The following TMEFF2 variants were observed in gnomAD, a reference collection of about 807,000 sequenced individuals.
TMEFF2 encodes tomoregulin-2.
In TMEFF2, 28 loss-of-function variants were observed where a neutral mutation model predicts 53.8. That is an observed-to-expected ratio of 0.52 (90% CI 0.39 to 0.71). The LOEUF is 0.71. TMEFF2 is among the 30% of genes least tolerant of loss of function. The pLI, the probability that TMEFF2 is intolerant of heterozygous loss-of-function variation, is 0.00. For missense variants in TMEFF2, 353 were observed against 455.2 expected, an observed-to-expected ratio of 0.78 and a Z score of 2.04; for synonymous variants, 162 against 166.3, an observed-to-expected ratio of 0.97 and a Z score of 0.20.
intron 4 of TMEFF2, among the ~76,000 whole-genome samples, chr2:192,103,338 A>G (rs1049557454): frequency 3.3e-5 from 5 of 152,092 alleles, no homozygotes; most frequent in African/African-American, 7.2e-5. Context: ...AATGACAGGT[A>G]TTAGATTTTT....
At chr2:192,016,952 A>G (rs1029675152) in intron 5 of TMEFF2, among the ~76,000 whole-genome samples, 2 of 152,218 alleles carry the variant, frequency 1.3e-5, no homozygotes, top group Non-Finnish European at 2.9e-5. Context: ...AAAATTAATT[A>G]CAGAGTGTTG....
chr2:191,985,796 A>G (rs1163485587), intron 7 of TMEFF2, among the ~76,000 whole-genome samples: 2 of 152,192 alleles, frequency 1.3e-5, no homozygotes, highest in Non-Finnish European at 2.9e-5. Flanking sequence ...TTAAACAAAT[A>G]TCCTCACTGT....
Position 192,100,883 on chromosome 2 carries a change from A to T in TMEFF2, c.440-43108T>A, listed in dbSNP as rs1339520986. ...TACCATCACAAATATGTTTCCTTAT[A>T]TGAGTTCCTTTTGAATTTGCAACTT... On this transcript the variant is annotated intron_variant, in intron 4 of 9. Transcript: ENST00000272771. 2.0e-5 allele frequency among the ~76,000 whole-genome samples: 3 copies of T among 152,282 alleles called. No individual in the cohort carries two copies. The East Asian group carries it at 5.8e-4, about 29-fold the overall frequency.
At chr2:192,068,401 C>T (rs1199942860) in intron 4 of TMEFF2, among the ~76,000 whole-genome samples, 4 of 151,748 alleles carry the variant, frequency 2.6e-5, no homozygotes, top group Non-Finnish European at 5.9e-5. Context: ...AACAGCATAA[C>T]AAAAACAGAT....
intron 4 of TMEFF2, among the ~76,000 whole-genome samples, chr2:192,061,354 GA>G (rs947547091): frequency 6.6e-6 from 1 of 150,640 alleles, no homozygotes; most frequent in African/African-American, 2.4e-5. Context: ...AAAATATTCA[GA>G]AAAAAAGTAC....
chr2:192,023,515 C>A (rs1352184532), intron 5 of TMEFF2, among the ~76,000 whole-genome samples: 1 of 152,108 alleles, frequency 6.6e-6, no homozygotes, highest in Non-Finnish European at 1.5e-5. Context: ...AAAGGCTGCA[C>A]AGTTTTTGAT....
chr2:192,155,551 C>T (rs904084376), intron 4 of TMEFF2, among the ~76,000 whole-genome samples: 1 of 151,914 alleles, frequency 6.6e-6, no homozygotes, highest in African/African-American at 2.4e-5. Flanking sequence ...TATTTGGAAT[C>T]CATGGTTCTA....
intron 2 of TMEFF2, among the ~76,000 whole-genome samples, chr2:192,186,330 G>A (rs559213020): frequency 6.6e-6 from 1 of 152,262 alleles, no homozygotes; most frequent in Non-Finnish European, 1.5e-5. Context: ...GAAGGCAGGA[G>A]CAAAATGCCT....
At chr2:192,041,538 T>G (rs1687480869) in intron 5 of TMEFF2, among the ~76,000 whole-genome samples, 1 of 152,168 alleles carries the variant, frequency 6.6e-6, no homozygotes, top group African/African-American at 2.4e-5. Context: ...TGCAGGTACT[T>G]TGGAAAATAG....
At chr2:192,153,146 T>C (rs1024722439) in intron 4 of TMEFF2, among the ~76,000 whole-genome samples, 2 of 151,510 alleles carry the variant, frequency 1.3e-5, no homozygotes, top group Non-Finnish European at 3.0e-5. Flanking sequence ...TAAGAGTTAG[T>C]TTATTTGCTT....
intron 4 of TMEFF2, among the ~76,000 whole-genome samples, chr2:192,130,712 C>A (rs1478310482): frequency 6.6e-6 from 1 of 151,980 alleles, no homozygotes; most frequent in African/African-American, 2.4e-5. Context: ...TATCTCCCTT[C>A]GCTGACTCTC....
At chr2:192,110,504 CT>C (rs1254775575) in intron 4 of TMEFF2, among the ~76,000 whole-genome samples, 2 of 152,136 alleles carry the variant, frequency 1.3e-5, no homozygotes, top group Non-Finnish European at 2.9e-5. Context: ...TTATTCTTTT[CT>C]GTCTAAATAT....
intron 4 of TMEFF2, among the ~76,000 whole-genome samples, chr2:192,151,497 G>A (rs934157648): frequency 1.3e-5 from 2 of 151,822 alleles, no homozygotes; most frequent in Non-Finnish European, 2.9e-5. Flanking sequence ...CAACTATGTT[G>A]ATTAAGAAAC....
intron 4 of TMEFF2, among the ~76,000 whole-genome samples, chr2:192,126,021 C>A (rs1689668571): frequency 6.6e-6 from 1 of 152,036 alleles, no homozygotes; most frequent in African/African-American, 2.4e-5. Flanking sequence ...TACCCCAGAA[C>A]TTAAAATAAA....
At chr2:192,090,870 G>A (rs186134070) in intron 4 of TMEFF2, among the ~76,000 whole-genome samples, 343 of 152,272 alleles carry the variant, frequency 2.3e-3, no homozygotes, top group African/African-American at 7.3e-3. Flanking sequence ...TATAGGATAA[G>A]AAAGACTTCA....
intron 4 of TMEFF2, among the ~76,000 whole-genome samples, chr2:192,062,489 CT>C (rs1158159232): frequency 6.6e-6 from 1 of 152,072 alleles, no homozygotes; most frequent in African/African-American, 2.4e-5. Context: ...TTGTAAAAGA[CT>C]TTGTGTACAC....
intron 5 of TMEFF2, among the ~76,000 whole-genome samples, chr2:192,040,175 C>T (rs1687436736): frequency 6.6e-6 from 1 of 152,042 alleles, no homozygotes; most frequent in South Asian, 2.1e-4. Context: ...TTTCTAACTA[C>T]ACCATAAGAG....
intron 3 of TMEFF2, among the ~76,000 whole-genome samples, chr2:192,183,926 C>T (rs904959155): frequency 6.6e-6 from 1 of 152,056 alleles, no homozygotes; most frequent in African/African-American, 2.4e-5. Context: ...GATTAGACGT[C>T]AACTTCAGAG....
At chr2:192,111,045 T>C (rs1689264114) in intron 4 of TMEFF2, among the ~76,000 whole-genome samples, 1 of 152,192 alleles carries the variant, frequency 6.6e-6, no homozygotes, top group African/African-American at 2.4e-5. Flanking sequence ...GTTAAATCTC[T>C]TTTCCTTTAT....
Sources: allele counts gnomAD v4.1 joint callset (sites outside exome capture counted in the v4.1 genomes callset), GRCh38; gene constraint gnomAD v4.1.1; transcripts MANE v1.5; gene names NCBI Gene and HGNC (gene_info 2026-07-23, HGNC 2026-07-21).